ROCK2: variants seen among roughly 807,000 people sequenced by gnomAD.
ROCK2 encodes Rho associated coiled-coil containing protein kinase 2.
A neutral mutation model predicts 195.1 loss-of-function variants in ROCK2; 61 were observed. That is an observed-to-expected ratio of 0.31 (90% CI 0.25 to 0.39). The LOEUF (loss-of-function observed/expected upper bound fraction) is 0.39. ROCK2 is among the 10% of genes least tolerant of loss of function. The pLI is 1.00. For missense variants in ROCK2, 1,109 were observed against 1,637.4 expected, an observed-to-expected ratio of 0.68 and a Z score of 5.57; for synonymous variants, 504 against 545.5, an observed-to-expected ratio of 0.92 and a Z score of 1.06.
At chr2:11,319,306 A>T (rs1668327266) in intron 1 of ROCK2, among the ~76,000 whole-genome samples, 1 of 152,130 alleles carries the variant, frequency 6.6e-6, no homozygotes, top group Non-Finnish European at 1.5e-5. Flanking sequence ...GTTCTCCTTG[A>T]AGAGGTCATT....
chr2:11,289,766 T>C (rs1296438257), intron 1 of ROCK2, among the ~76,000 whole-genome samples: 2 of 152,190 alleles, frequency 1.3e-5, no homozygotes, highest in South Asian at 2.1e-4. Flanking sequence ...CCAAAAGTTC[T>C]CTCCAAGAGA....
chr2:11,267,937 G>A (rs1438608640), intron 3 of ROCK2, among the ~76,000 whole-genome samples: 2 of 151,848 alleles, frequency 1.3e-5, no homozygotes, highest in African/African-American at 4.8e-5. Flanking sequence ...GTGAGCCACC[G>A]CGCCTGGCCC....
intron 3 of ROCK2, among the ~76,000 whole-genome samples, chr2:11,282,643 T>A (rs560280761): frequency 4.3e-5 from 6 of 138,172 alleles, no homozygotes; most frequent in Non-Finnish European, 9.4e-5. Flanking sequence ...AGACCTTATA[T>A]CTTCTAGAGG....
At chr2:11,237,061 A>C (rs1419395245) in intron 4 of ROCK2, among the ~76,000 whole-genome samples, 2 of 152,232 alleles carry the variant, frequency 1.3e-5, no homozygotes, top group Non-Finnish European at 2.9e-5. Context: ...CTGAGGCAGG[A>C]GAACTGCTTG....
intron 1 of ROCK2, among the ~76,000 whole-genome samples, chr2:11,319,855 T>C (rs1668347308): frequency 6.6e-6 from 1 of 152,190 alleles, no homozygotes; most frequent in Admixed American, 6.5e-5. Context: ...ACCACGGATA[T>C]TTTATACTAT....
chr2:11,192,058 A>C lies in ROCK2; in HGVS notation c.4163+90T>G. The C allele has an allele frequency of 2.1e-6, 2 of 933,030 alleles. No homozygotes were observed. Among genetic ancestry groups the C allele is most frequent in the Non-Finnish European group, 3.3e-6 (2 of 615,378 alleles). The allele number at this position is 933,030 out of a possible 1,614,324, so 57.8% of individuals were successfully genotyped here. A position where few individuals can be genotyped will look rare whatever the true frequency, so the allele number is the denominator to read the frequency against. Reference sequence around the variant, plus strand: ...TTAACTAAAATACAAAGCAAAGGAAAACTAATTAGGAAAATTTGTAGTTTG... The same window carrying C: ...TTAACTAAAATACAAAGCAAAGGAACACTAATTAGGAAAATTTGTAGTTTG... On this transcript the variant is annotated intron_variant, in intron 32 of 32. Transcript: ENST00000315872. The surrounding 1 kb of genome is among the most constrained non-coding windows in gnomAD (Gnocchi z 5.0).
intron 3 of ROCK2, among the ~76,000 whole-genome samples, chr2:11,266,996 T>A (rs1194259998): frequency 1.3e-5 from 2 of 152,250 alleles, no homozygotes; most frequent in Non-Finnish European, 2.9e-5. Context: ...TCTTCCTTTT[T>A]CTTCTCTTTC....
At chr2:11,191,098 T>C (rs1202737956) in intron 32 of ROCK2, among the ~76,000 whole-genome samples, 1 of 152,224 alleles carries the variant, frequency 6.6e-6, no homozygotes, top group Non-Finnish European at 1.5e-5. Context: ...ATGCTATCAA[T>C]ATTCATATAC....
rs1669199180 is a variant in ROCK2 at position 11,344,046 on chromosome 2, C to T, written c.91G>A (p.Glu31Lys). ...GAGCGAGGGTCTCGGATCAGCGCCT[C>T]CAGCTTCCTCTGGCGGCTCGCGCCT... Reference protein sequence around the residue: ...GAGASRQRKLEALIRDPRSPI... With the variant: ...GAGASRQRKLKALIRDPRSPI... Residue 31 changes from glutamate to lysine, a missense_variant, in exon 1 of 33, where the codon GAG becomes AAG. By Grantham distance (56) the Glu-to-Lys change is moderately conservative (BLOSUM62 1). Transcript: ENST00000315872. The surrounding 1 kb of genome is among the most constrained non-coding windows in gnomAD (Gnocchi z 5.4). 6.3e-7 allele frequency: 1 copy of T among 1,586,368 alleles called. No homozygotes were observed. Among genetic ancestry groups the T allele is most frequent in the Admixed American group, 1.7e-5 (1 of 57,878 alleles).
chr2:11,228,299 A>G (rs1003844882), intron 5 of ROCK2, among the ~76,000 whole-genome samples: 1 of 152,192 alleles, frequency 6.6e-6, no homozygotes, highest in Admixed American at 6.5e-5. Context: ...TATTATGGCT[A>G]CCTTGAGAAA....
chr2:11,267,847 G>C (rs1666474271), intron 3 of ROCK2, among the ~76,000 whole-genome samples: 1 of 151,724 alleles, frequency 6.6e-6, no homozygotes, highest in African/African-American at 2.4e-5. Flanking sequence ...GGGTTTCACT[G>C]TGTGAGCCAG....
Position 11,202,119 on chromosome 2 carries a change from T to C in ROCK2, c.2552A>G (p.Glu851Gly). 3 of 1,610,840 alleles carry C rather than the reference T, an allele frequency of 1.9e-6. No homozygotes were observed. Among genetic ancestry groups the C allele is most frequent in the Non-Finnish European group, 2.5e-6 (3 of 1,177,188 alleles). The change falls in exon 21 of 33, where the codon GAA (glutamate) becomes GGA (glycine). Residue 851 changes from glutamate to glycine, a missense_variant and splice_region_variant. This residue lies in a region of ROCK2 where 542 missense variants were observed against 672.0 expected (regional missense o/e 0.81). Coordinates refer to ENST00000315872, the MANE Select transcript of ROCK2 (RefSeq NM_004850.5). ...LEKQNAELRK[E>G]RQDADGQMKE... is the part of the protein sequence containing the mutation. ...CATTTGCCCATCTGCATCCTGACGT[T>C]CTCTGTGAGGACAATGAATCAAAGG...
chr2:11,255,744 A>AC (rs1666007601), intron 3 of ROCK2, among the ~76,000 whole-genome samples: 1 of 150,138 alleles, frequency 6.7e-6, no homozygotes. Context: ...ACATGGTGAA[A>AC]CCCCGTCTCT....
chr2:11,218,741 C>T (rs1285220818), intron 10 of ROCK2, among the ~76,000 whole-genome samples: 2 of 152,136 alleles, frequency 1.3e-5, no homozygotes, highest in African/African-American at 2.4e-5. Context: ...CTCAATTAAG[C>T]CTAAAGCCAT....
chr2:11,237,367 T>A (rs1665248812), intron 4 of ROCK2, among the ~76,000 whole-genome samples: 1 of 152,116 alleles, frequency 6.6e-6, no homozygotes, highest in Non-Finnish European at 1.5e-5. Flanking sequence ...TACAGAGCAA[T>A]GTCAGAAAAG....
chr2:11,321,219 A>C (rs1452478545), intron 1 of ROCK2, among the ~76,000 whole-genome samples: 2 of 152,138 alleles, frequency 1.3e-5, no homozygotes, highest in Non-Finnish European at 2.9e-5. Flanking sequence ...TCTGTCATCC[A>C]GGCTGAAGTG....
intron 9 of ROCK2, 39 bp from the exon 10 acceptor site, chr2:11,219,065 A>T (rs1364533287): frequency 3.6e-6 from 4 of 1,126,234 alleles, no homozygotes; most frequent in Non-Finnish European, 3.8e-6. Context: ...TTTTCATTTC[A>T]TTTTAATCTA....
At chr2:11,272,869 CAAAAAAA>C (rs34327134) in intron 3 of ROCK2, among the ~76,000 whole-genome samples, 12 of 99,252 alleles carry the variant, frequency 1.2e-4, no homozygotes, top group African/African-American at 4.3e-4. Flanking sequence ...GACTCTGTCT[CAAAAAAA>C]AAAAAAAAAA....
chr2:11,293,102 A>C (rs140747167), intron 1 of ROCK2, among the ~76,000 whole-genome samples: 228 of 152,332 alleles, frequency 1.5e-3, no homozygotes, highest in African/African-American at 5.2e-3. Context: ...ACCCAGTCTC[A>C]GGGTAATGAG....
Sources: allele counts gnomAD v4.1 joint callset (sites outside exome capture counted in the v4.1 genomes callset), GRCh38; gene constraint gnomAD v4.1.1; regional missense constraint gnomAD v4.1.1; non-coding constraint Gnocchi (gnomAD v3.1); transcripts MANE v1.5; gene names NCBI Gene and HGNC (gene_info 2026-07-23, HGNC 2026-07-21).